FOXA1: variants seen among roughly 807,000 people sequenced by gnomAD.
FOXA1 encodes the protein forkhead box A1, also known as hepatocyte nuclear factor 3-alpha.
FOXA1 carries 9 observed loss-of-function variants against 29.2 expected under a neutral mutation model. The ratio of observed to expected loss-of-function variants is 0.31; its 90% CI spans 0.19 to 0.54. FOXA1 has a LOEUF of 0.54. FOXA1 is among the 20% of genes least tolerant of loss of function. The pLI is 0.95. For synonymous variants in FOXA1, 340 were observed against 300.9 expected (o/e 1.13, Z -1.34); for missense variants, 644 against 681.2 (o/e 0.95, Z 0.61).
In FOXA1 at chr14:37,592,697, G is replaced by A; in HGVS notation, c.87C>T (p.Val29=). ...YADTQEAYSS[V]PVSNMNSGLG... ...GGCCTGAGTTCATGTTGCTGACCGG[G>A]ACGGAGGAGTAGGCCTGGAGTGGAG... Residue 29 remains valine (V), a synonymous_variant, in exon 2 of 2, where the codon GTC becomes GTT. Coordinates refer to ENST00000250448, the MANE Select transcript of FOXA1 (RefSeq NM_004496.5). 1.2e-6 allele frequency: 2 copies of A among 1,612,990 alleles called. No homozygotes were observed. The highest frequency in any genetic ancestry group is 1.1e-5 in the South Asian group (1 of 91,086).
rs767958377 is a variant in FOXA1 at position 37,591,701 on chromosome 14, G to A, written c.1083C>T (p.Ser361=). 5 of 1,582,822 alleles carry A rather than the reference G, an allele frequency of 3.2e-6. No homozygotes were observed. The South Asian group carries it at 4.6e-5, about 14-fold the overall frequency. ...CAGAGGCCAGCGCCCCGGGCCCGGAGCTTATGGGGGGCGCAGTTGAGGAGG... is the reference window on the plus strand; with the variant it reads ...CAGAGGCCAGCGCCCCGGGCCCGGAACTTATGGGGGGCGCAGTTGAGGAGG... The part of the protein sequence containing the change: ...TPASSTAPPI[S]SGPGALASVP... Residue 361 remains serine, a synonymous_variant, in exon 2 of 2, where the codon AGC becomes AGT. Coordinates refer to ENST00000250448, the MANE Select transcript of FOXA1 (RefSeq NM_004496.5).
Position 37,592,006 on chromosome 14 carries a change from A to G in FOXA1, c.778T>C (p.Leu260=), listed in dbSNP as rs1385095671. 1 of 1,602,850 alleles carries G rather than the reference A, an allele frequency of 6.2e-7. No homozygotes were observed. The highest frequency in any genetic ancestry group is 8.5e-7 in the Non-Finnish European group (1 of 1,174,556). The change falls in exon 2 of 2, where the codon TTG becomes CTG. Residue 260 remains leucine (L), a synonymous_variant. Transcript: ENST00000250448. Reference sequence around the variant, plus strand: ...CACTTGAAGCGCTTCTGGCGGCGCAAGTAGCAGCCGTTCTCGAACATGTTG... The same window carrying G: ...CACTTGAAGCGCTTCTGGCGGCGCAGGTAGCAGCCGTTCTCGAACATGTTG... ...SGNMFENGCY[L]RRQKRFKCEK...
At position 37,592,543 on chromosome 14, in the gene FOXA1, C is replaced by A. The variant is rs2139183884; in HGVS notation, c.241G>T (p.Ala81Ser). 6.2e-7 allele frequency: 1 copy of A among 1,613,782 alleles called. No individual in the cohort carries two copies. Among genetic ancestry groups the A allele is most frequent in the Non-Finnish European group, 8.5e-7 (1 of 1,179,826 alleles). Residue 81 changes from alanine (A) to serine (S), a missense_variant, in exon 2 of 2, where the codon GCA becomes TCA. Ala to Ser is a moderately conservative substitution (Grantham distance 99). This residue lies in a region of FOXA1 where 309 missense variants were observed against 307.0 expected (regional missense o/e 1.01). Transcript: ENST00000250448. ...PGLGAGLSPG[A>S]VAGMPGGSAG... ...GAGCCCCCCGGCATGCCGGCTACTG[C>A]GCCGGGACTCAGGCCGGCCCCTAGG...
Position 37,589,868 on chromosome 14 carries a change from AAAC to A in FOXA1, c.*1494_*1496del. On this transcript the variant is annotated 3_prime_UTR_variant, in exon 2 of 2. Coordinates refer to ENST00000250448, the MANE Select transcript of FOXA1 (RefSeq NM_004496.5). ...TACACATTCATTATAACAACAGACAAAACAATTTTATTTTCATTTTTGTCATTT... is the reference window on the plus strand; with the variant it reads ...TACACATTCATTATAACAACAGACAAAATTTTATTTTCATTTTTGTCATTT... 1 of 231,220 alleles carries A rather than the reference AAAC, an allele frequency of 4.3e-6. No homozygotes were observed. The highest frequency in any genetic ancestry group is 8.6e-6 in the Non-Finnish European group (1 of 116,874). 14.3% of individuals were successfully genotyped at this position (231,220 alleles called of 1,614,324 possible).
Position 37,595,138 on chromosome 14 carries a change from C to G in FOXA1, c.-166G>C. 1 of 217,478 alleles carries G rather than the reference C, an allele frequency of 4.6e-6. No homozygotes were observed. The highest frequency in any genetic ancestry group is 6.3e-6 in the Non-Finnish European group (1 of 157,844). The allele number at this position is 217,478 out of a possible 1,614,324, so 13.5% of individuals were successfully genotyped here. ...GGAAGCCCAGAGCTGCGGGGCGCGG[C>G]GTGCGCGGCGGCGGCGGCGGCGCGG... On this transcript the variant is annotated 5_prime_UTR_variant, in exon 1 of 2. Coordinates refer to ENST00000250448, the MANE Select transcript of FOXA1 (RefSeq NM_004496.5).
Position 37,589,871 on chromosome 14 carries a change from C to T in FOXA1, c.*1494G>A, listed in dbSNP as rs972646052. 1 of 230,690 alleles carries T rather than the reference C, an allele frequency of 4.3e-6. No individual in the cohort carries two copies. The highest frequency in any genetic ancestry group is 2.2e-5 in the African/African-American group (1 of 45,178). 14.3% of individuals were successfully genotyped at this position (230,690 alleles called of 1,614,324 possible). On this transcript the variant is annotated 3_prime_UTR_variant, in exon 2 of 2. Transcript: ENST00000250448. ...ACATTCATTATAACAACAGACAAAA[C>T]AATTTTATTTTCATTTTTGTCATTT... is the stretch of plus-strand genomic sequence containing the variant.
At chr14:37,593,028 C>T (rs1164888963) in intron 1 of FOXA1, among the ~76,000 whole-genome samples, 1 of 152,210 alleles carries the variant, frequency 6.6e-6, no homozygotes, top group Non-Finnish European at 1.5e-5. Context: ...CCTCCTCCAT[C>T]CACGCCAGGC....
Position 37,591,347 on chromosome 14 carries a change from AC to A in FOXA1, c.*17del. 1 of 1,610,072 alleles carries A rather than the reference AC, an allele frequency of 6.2e-7. No homozygotes were observed. Among genetic ancestry groups the A allele is most frequent in the Non-Finnish European group, 8.5e-7 (1 of 1,179,688 alleles). ...CTACCAGCATGGCTATGCCAGACAA[AC>A]CCCCCAGTCCCGGGAGCTAGGAAGT... On this transcript the variant is annotated 3_prime_UTR_variant, in exon 2 of 2. Coordinates refer to ENST00000250448, the MANE Select transcript of FOXA1 (RefSeq NM_004496.5).
chr14:37,590,635 T>C lies in FOXA1; in HGVS notation c.*730A>G, dbSNP rs777982092. 8.8e-6 allele frequency: 2 copies of C among 227,520 alleles called. No individual in the cohort carries two copies. The highest frequency in any genetic ancestry group is 4.4e-5 in the African/African-American group (2 of 44,982). The allele number at this position is 227,520 out of a possible 1,614,324, so 14.1% of individuals were successfully genotyped here. A position where few individuals can be genotyped will look rare whatever the true frequency, so the allele number is the denominator to read the frequency against. ...GCAACTCTTGAGAATGTATCATGTA[T>C]ATCACCTATCTATTACCTCTATATG... On this transcript the variant is annotated 3_prime_UTR_variant, in exon 2 of 2. Coordinates refer to ENST00000250448, the MANE Select transcript of FOXA1 (RefSeq NM_004496.5).
chr14:37,591,814 G>A lies in FOXA1; in HGVS notation c.970C>T (p.Pro324Ser). The A allele has an allele frequency of 6.9e-7, 1 of 1,458,804 alleles. No homozygotes were observed. The highest frequency in any genetic ancestry group is 9.0e-7 in the Non-Finnish European group (1 of 1,110,056). 90.4% of individuals were successfully genotyped at this position (1,458,804 alleles called of 1,614,324 possible). A position where few individuals can be genotyped will look rare whatever the true frequency, so the allele number is the denominator to read the frequency against. The part of the protein sequence containing the change: ...HGKTGQLEGA[P>S]APGPAASPQT... ...GGGCTGGCGGCGGGCCCGGGGGCCGGCGCGCCCTCTAGCTGGCCGGTCTTC... is the reference window on the plus strand; with the variant it reads ...GGGCTGGCGGCGGGCCCGGGGGCCGACGCGCCCTCTAGCTGGCCGGTCTTC... The change falls in exon 2 of 2, where the codon CCG becomes TCG. Residue 324 changes from proline (P) to serine (S), a missense_variant. Coordinates refer to ENST00000250448, the MANE Select transcript of FOXA1 (RefSeq NM_004496.5).
chr14:37,592,761 T>C (rs1368908901), intron 1 of FOXA1, 50 bp from the exon 2 acceptor site: 1 of 1,601,742 alleles, frequency 6.2e-7, no homozygotes, highest in African/African-American at 1.3e-5. Flanking sequence ...GGGTTAGTGG[T>C]GGGCACTGGA....
rs760133582 is a variant in FOXA1, at chr14:37,592,727, C to A, written c.73-16G>T. 1.9e-6 allele frequency: 3 copies of A among 1,608,214 alleles called. No homozygotes were observed. The South Asian group carries it at 3.3e-5, about 18-fold the overall frequency. ...AGGAGTAGGCCTGGAGTGGAGACAG[C>A]GAGTGAAGAAGCCCCGGAGGGCGGG... On this transcript the variant is annotated splice_polypyrimidine_tract_variant and intron_variant, in intron 1 of 1. Coordinates refer to ENST00000250448, the MANE Select transcript of FOXA1 (RefSeq NM_004496.5).
In FOXA1 at chr14:37,590,414, G is replaced by GA. The variant is rs200907205; in HGVS notation, c.*950dup. 4.4e-3 allele frequency: 995 copies of GA among 226,346 alleles called. 7 individuals carry two copies. Among genetic ancestry groups the GA allele is most frequent in the Middle Eastern group, 0.034 (26 of 754 alleles). The allele number at this position is 226,346 out of a possible 1,614,324, so 14.0% of individuals were successfully genotyped here. A position where few individuals can be genotyped will look rare whatever the true frequency, so the allele number is the denominator to read the frequency against. ...CAACATTGTAATATTCCCTTTTACTGAAAAAAAAATTCTTTAAATGGTATA... is the reference window on the plus strand; with the variant it reads ...CAACATTGTAATATTCCCTTTTACTGAAAAAAAAAATTCTTTAAATGGTATA... On this transcript the variant is annotated 3_prime_UTR_variant, in exon 2 of 2. Coordinates refer to ENST00000250448, the MANE Select transcript of FOXA1 (RefSeq NM_004496.5).
At position 37,595,102 on chromosome 14, in the gene FOXA1, C is replaced by G; in HGVS notation, c.-130G>C. On this transcript the variant is annotated 5_prime_UTR_variant, in exon 1 of 2. Transcript: ENST00000250448. ...AGCGCCCGCGCGGGCCCAACGCCAC[C>G]CGGGCGAAGAGGAAGCCCAGAGCTG... is the stretch of plus-strand genomic sequence containing the variant. 1.6e-6 allele frequency: 1 copy of G among 612,002 alleles called. No homozygotes were observed. Among genetic ancestry groups the G allele is most frequent in the Non-Finnish European group, 2.4e-6 (1 of 417,242 alleles). The allele number at this position is 612,002 out of a possible 1,614,324, so 37.9% of individuals were successfully genotyped here.
In FOXA1 at chr14:37,590,351, C is replaced by T. The variant is rs1003535488; in HGVS notation, c.*1014G>A. On this transcript the variant is annotated 3_prime_UTR_variant, in exon 2 of 2. Transcript: ENST00000250448. ...AATAGGATTTTTGAATCTTGGACCA[C>T]GTTTTGAAATCCAGCTCCCTATAAC... 1 of 231,500 alleles carries T rather than the reference C, an allele frequency of 4.3e-6. No individual in the cohort carries two copies. Among genetic ancestry groups the T allele is most frequent in the Non-Finnish European group, 8.6e-6 (1 of 116,848 alleles). 14.3% of individuals were successfully genotyped at this position (231,500 alleles called of 1,614,324 possible).
At position 37,589,735 on chromosome 14, in the gene FOXA1, AAT is replaced by A. The variant is rs1491159591; in HGVS notation, c.*1628_*1629del. On this transcript the variant is annotated 3_prime_UTR_variant, in exon 2 of 2. Coordinates refer to ENST00000250448, the MANE Select transcript of FOXA1 (RefSeq NM_004496.5). ...AGCCGGTGTCAAAAAAAAAAAAAAA[AAT>A]GAAGTAAACATCACTGGGAATAAAG... Among the ~76,000 whole-genome samples, 2 of 150,668 alleles carry A rather than the reference AAT, an allele frequency of 1.3e-5. No homozygotes were observed. The highest frequency in any genetic ancestry group is 6.6e-5 in the Admixed American group (1 of 15,170).
chr14:37,592,398 G>A lies in FOXA1; in HGVS notation c.386C>T (p.Pro129Leu), dbSNP rs1566824631. 1.9e-6 allele frequency: 3 copies of A among 1,600,676 alleles called. No individual in the cohort carries two copies. The highest frequency in any genetic ancestry group is 2.6e-6 in the Non-Finnish European group (3 of 1,176,162). The change falls in exon 2 of 2, where the codon CCC becomes CTC. Residue 129 changes from proline (P) to leucine (L), a missense_variant. Pro to Leu is a moderately conservative substitution (Grantham distance 98). Transcript: ENST00000250448. ...QQAASMNGLG[P>L]YAAAMNPCMS... ...GCACGGGTTCATGGCGGCCGCGTAG[G>A]GGCCCAGGCCATTCATGGAGGCCGC...
rs761222695 is a variant in FOXA1 at position 37,595,011 on chromosome 14, T to C, written c.-39A>G. 6.8e-7 allele frequency: 1 copy of C among 1,471,316 alleles called. No homozygotes were observed. Among genetic ancestry groups the C allele is most frequent in the Non-Finnish European group, 9.2e-7 (1 of 1,085,698 alleles). The allele number at this position is 1,471,316 out of a possible 1,614,324, so 91.1% of individuals were successfully genotyped here. Reference sequence around the variant, plus strand: ...TGCCCAATACAACCATCCAGCCCTGTGCGAAGCGACGGGCGGCCGCGCGGC... The same window carrying C: ...TGCCCAATACAACCATCCAGCCCTGCGCGAAGCGACGGGCGGCCGCGCGGC... On this transcript the variant is annotated 5_prime_UTR_variant, in exon 1 of 2. Transcript: ENST00000250448.
Position 37,591,306 on chromosome 14 carries a change from G to T in FOXA1, c.*59C>A. 2 of 1,599,192 alleles carry T rather than the reference G, an allele frequency of 1.3e-6. No individual in the cohort carries two copies. Among genetic ancestry groups the T allele is most frequent in the South Asian group, 1.1e-5 (1 of 90,480 alleles). On this transcript the variant is annotated 3_prime_UTR_variant, in exon 2 of 2. Transcript: ENST00000250448. ...GGTTTGTGTGGTTTTGTTTGCTGTT[G>T]ATTTTTTCTCTCTTGCTACCAGCAT...
Sources: gnomAD v4.1 joint callset for allele counts (sites outside exome capture counted in the v4.1 genomes callset) on GRCh38, gnomAD v4.1.1 for gene constraint, gnomAD v4.1.1 regional missense constraint, MANE v1.5 for transcripts, NCBI Gene and HGNC (gene_info 2026-07-23, HGNC 2026-07-21) for gene names.